Variants in LSAMP observed in about 807,000 individuals in gnomAD.
LSAMP encodes the protein limbic system associated membrane protein, also known as limbic system-associated membrane protein.
Under a neutral mutation model 38.6 loss-of-function variants are expected in LSAMP, and 7 were observed. The observed-to-expected ratio is 0.18, with a 90% CI of 0.10 to 0.34. The LOEUF (loss-of-function observed/expected upper bound fraction) is 0.34, where lower values mean the gene tolerates loss of function less well. LSAMP is among the 10% of genes least tolerant of loss of function. LSAMP has a pLI of 1.00. For synonymous variants in LSAMP, 154 were observed against 166.8 expected (o/e 0.92, Z 0.59); for missense variants, 313 against 420.0 (o/e 0.75, Z 2.23).
intron 3 of LSAMP, among the ~76,000 whole-genome samples, chr3:115,964,964 A>C (rs940267820): frequency 6.6e-6 from 1 of 152,142 alleles, no homozygotes; most frequent in Non-Finnish European, 1.5e-5. Context: ...AGTTATTCTC[A>C]AATTGACCAA....
chr3:116,426,078 T>A (rs1463439805), intron 1 of LSAMP, among the ~76,000 whole-genome samples: 1 of 152,028 alleles, frequency 6.6e-6, no homozygotes, highest in Non-Finnish European at 1.5e-5. Flanking sequence ...GATGAAAAGG[T>A]AAGTTTAAAA....
At chr3:115,889,344 A>G (rs1433282714) in intron 3 of LSAMP, among the ~76,000 whole-genome samples, 1 of 151,834 alleles carries the variant, frequency 6.6e-6, no homozygotes, top group African/African-American at 2.4e-5. Flanking sequence ...AGACCTATGA[A>G]CTCATAAGAA....
Position 116,444,994 on chromosome 3 carries a change from G to A in LSAMP, c.38C>T (p.Pro13Leu). The stretch of plus-strand genomic sequence containing the variant: ...GCAGAGCAATCTCAGTAGGACCAGT[G>A]GCAACTGTTTCCGATCCGGCTGAAC... ...RRVQPDRKQLPLVLLRLLCLL... is the reference protein window; with the variant it reads ...RRVQPDRKQLLLVLLRLLCLL... Residue 13 changes from proline to leucine, a missense_variant, in exon 1 of 7, where the codon CCA becomes CTA. Coordinates refer to ENST00000490035, the MANE Select transcript of LSAMP (RefSeq NM_002338.5). The A allele has an allele frequency of 6.2e-7, 1 of 1,614,076 alleles. No individual in the cohort carries two copies. Among genetic ancestry groups the A allele is most frequent in the Non-Finnish European group, 8.5e-7 (1 of 1,180,004 alleles).
At chr3:116,294,117 C>T (rs902697739) in intron 1 of LSAMP, among the ~76,000 whole-genome samples, 1 of 152,060 alleles carries the variant, frequency 6.6e-6, no homozygotes, top group Non-Finnish European at 1.5e-5. Flanking sequence ...GCACCTCCCA[C>T]ACACACGCCC....
chr3:115,821,728 T>C (rs1459860827), intron 6 of LSAMP, among the ~76,000 whole-genome samples: 1 of 152,200 alleles, frequency 6.6e-6, no homozygotes, highest in Admixed American at 6.5e-5. Context: ...AGTAGGGATT[T>C]TATCCTCCAG....
At chr3:115,829,537 A>T (rs1934540282) in intron 6 of LSAMP, among the ~76,000 whole-genome samples, 1 of 152,168 alleles carries the variant, frequency 6.6e-6, no homozygotes, top group Non-Finnish European at 1.5e-5. Context: ...AGACATATTT[A>T]AAAAGGGAAA....
At chr3:116,438,001 T>C (rs1374965164) in intron 1 of LSAMP, among the ~76,000 whole-genome samples, 1 of 151,700 alleles carries the variant, frequency 6.6e-6, no homozygotes, top group Non-Finnish European at 1.5e-5. Flanking sequence ...TAAAGTGTTT[T>C]ATTTTGTAAA....
intron 1 of LSAMP, among the ~76,000 whole-genome samples, chr3:116,299,611 T>C (rs2047380652): frequency 1.3e-5 from 2 of 152,196 alleles, no homozygotes. Context: ...TTCGAGACTC[T>C]GAAATATTTA....
chr3:115,847,937 T>C (rs867560417), intron 4 of LSAMP, among the ~76,000 whole-genome samples: 1 of 152,246 alleles, frequency 6.6e-6, no homozygotes, highest in Non-Finnish European at 1.5e-5. Flanking sequence ...CTTGGTACTC[T>C]GAAGGTACTT....
intron 1 of LSAMP, among the ~76,000 whole-genome samples, chr3:116,319,631 G>A (rs940133726): frequency 3.9e-5 from 6 of 152,146 alleles, no homozygotes; most frequent in African/African-American, 1.4e-4. Flanking sequence ...GAAAAGGGAT[G>A]TGTGTTAAAT....
At chr3:116,400,406 CCTT>C (rs2048823206) in intron 1 of LSAMP, among the ~76,000 whole-genome samples, 1 of 149,712 alleles carries the variant, frequency 6.7e-6, no homozygotes, top group South Asian at 2.1e-4. Context: ...CTCTCTCTCT[CCTT>C]CTTTCCCTCC....
At chr3:115,949,459 G>C (rs188163881) in intron 3 of LSAMP, among the ~76,000 whole-genome samples, 3 of 151,672 alleles carry the variant, frequency 2.0e-5, no homozygotes, top group Admixed American at 1.3e-4. Context: ...ACACCTTTAT[G>C]CACACAAACT....
intron 6 of LSAMP, among the ~76,000 whole-genome samples, chr3:115,818,788 TTTTATATATATATATATATATATA>T (rs199597719): frequency 0.049 from 1,215 of 25,000 alleles, 55 homozygotes; most frequent in Admixed American, 0.11. Flanking sequence ...AAAGTTGTAC[TTTTATATATATATATATATATATA>T]TATATATATA....
chr3:116,086,354 T>G lies in LSAMP; in HGVS notation c.358A>C (p.Lys120Gln), dbSNP rs773459631. 2.5e-6 allele frequency: 4 copies of G among 1,614,062 alleles called. No individual in the cohort carries two copies. The African/African-American group carries it at 5.3e-5, about 22-fold the overall frequency. Reference sequence around the variant, plus strand: ...ACGATCAAGTAAACTTGGGAGGTCTTGGGCTCATGCTGTGTCTGAACTGAG... The same window carrying G: ...ACGATCAAGTAAACTTGGGAGGTCTGGGGCTCATGCTGTGTCTGAACTGAG... ...TCSVQTQHEP[K>Q]TSQVYLIVQV... Residue 120 changes from lysine (K) to glutamine (Q), a missense_variant, in exon 2 of 7, where the codon AAG (lysine) becomes CAG (glutamine). Lys to Gln is a moderately conservative substitution (Grantham distance 53). Coordinates refer to ENST00000490035, the MANE Select transcript of LSAMP (RefSeq NM_002338.5).
intron 1 of LSAMP, among the ~76,000 whole-genome samples, chr3:116,300,010 C>T (rs1424462617): frequency 6.6e-6 from 1 of 152,280 alleles, no homozygotes. Context: ...ATCTGTTAAC[C>T]GTGTCGCCTG....
intron 1 of LSAMP, among the ~76,000 whole-genome samples, chr3:116,169,800 C>G (rs1480544578): frequency 6.6e-6 from 1 of 152,138 alleles, no homozygotes; most frequent in East Asian, 1.9e-4. Context: ...ATTGACTTTT[C>G]TCGCCACTCA....
rs1708333134 is a variant in LSAMP at position 116,100,943 on chromosome 3, C to CTGTGA, written c.156-14392_156-14388dup. ...AAATCTATCTCAGATGTGCCCTTCT[C>CTGTGA]TGTGATTCATTCTCTCCAATTTCCC... On this transcript the variant is annotated intron_variant, in intron 1 of 6. Transcript: ENST00000490035. Among the ~76,000 whole-genome samples, 3 of 152,336 alleles carry CTGTGA rather than the reference C, an allele frequency of 2.0e-5. No homozygotes were observed. In the East Asian group the frequency reaches 5.8e-4, roughly 29 times the overall value.
chr3:116,435,158 G>C (rs890298679), intron 1 of LSAMP, among the ~76,000 whole-genome samples: 6 of 152,190 alleles, frequency 3.9e-5, no homozygotes, highest in African/African-American at 1.4e-4. Context: ...CGTGCTCTGA[G>C]ATTAACCTTC....
intron 1 of LSAMP, among the ~76,000 whole-genome samples, chr3:116,405,781 C>T (rs1455626931): frequency 3.3e-5 from 5 of 152,022 alleles, no homozygotes; most frequent in African/African-American, 1.2e-4. Flanking sequence ...GATTTTGAAA[C>T]CTGCCCATGA....
Sources: allele counts gnomAD v4.1 joint callset (sites outside exome capture counted in the v4.1 genomes callset), GRCh38; gene constraint gnomAD v4.1.1; transcripts MANE v1.5; gene names NCBI Gene and HGNC (gene_info 2026-07-23, HGNC 2026-07-21).